Variants in DIAPH3 observed in about 807,000 individuals in gnomAD.
DIAPH3 encodes diaphanous related formin 3, also known as protein diaphanous homolog 3.
DIAPH3 carries 117 observed loss-of-function variants against 144.3 expected under a neutral mutation model. The observed-to-expected ratio is 0.81, with a 90% CI of 0.70 to 0.95. The LOEUF (loss-of-function observed/expected upper bound fraction) is 0.95, where lower values mean the gene tolerates loss of function less well. Ranked by LOEUF, DIAPH3 falls within the 40% of genes least tolerant of loss-of-function variation. The pLI is 0.00. For missense variants in DIAPH3, 1,421 were observed against 1,412.7 expected (o/e 1.01, Z -0.09); for synonymous variants, 519 against 488.9 (o/e 1.06, Z -0.81).
intron 27 of DIAPH3, among the ~76,000 whole-genome samples, chr13:59,698,029 A>G (rs927094543): frequency 2.0e-5 from 3 of 152,234 alleles, no homozygotes; most frequent in Non-Finnish European, 4.4e-5. Context: ...ATGGTAGTCA[A>G]AGAAAGTTAT....
chr13:59,684,514 C>A (rs755994998), intron 27 of DIAPH3, among the ~76,000 whole-genome samples: 2 of 152,142 alleles, frequency 1.3e-5, no homozygotes, highest in African/African-American at 2.4e-5. Context: ...GACTTCAGCA[C>A]CTTTCTTTGT....
chr13:60,042,149 T>C (rs904274117), intron 5 of DIAPH3, among the ~76,000 whole-genome samples: 1 of 152,138 alleles, frequency 6.6e-6, no homozygotes, highest in Non-Finnish European at 1.5e-5. Context: ...ACCTATGGTA[T>C]TGTTTTCAGA....
Position 60,120,399 on chromosome 13 carries a change from T to C in DIAPH3, c.214-8213A>G, listed in dbSNP as rs150652761. Reference sequence around the variant, plus strand: ...ATCAACTGCATTCTGACTTCGATATTCCTCAATGTTACAAATGGGCTTCTT... The same window carrying C: ...ATCAACTGCATTCTGACTTCGATATCCCTCAATGTTACAAATGGGCTTCTT... On this transcript the variant is annotated intron_variant, in intron 2 of 27. Coordinates refer to ENST00000400324, the MANE Select transcript of DIAPH3 (RefSeq NM_001042517.2). 9.2e-5 allele frequency among the ~76,000 whole-genome samples: 14 copies of C among 152,322 alleles called. No homozygotes were observed. The East Asian group carries it at 2.3e-3, about 25-fold the overall frequency.
intron 13 of DIAPH3, among the ~76,000 whole-genome samples, chr13:59,981,523 A>C (rs969208616): frequency 1.3e-5 from 2 of 151,240 alleles, no homozygotes; most frequent in African/African-American, 4.8e-5. Context: ...AAAAAAAAAA[A>C]AACTGAAAAT....
chr13:59,776,891 T>C (rs550978324), intron 25 of DIAPH3, among the ~76,000 whole-genome samples: 1 of 152,230 alleles, frequency 6.6e-6, no homozygotes. Flanking sequence ...TTGGATTGGA[T>C]GTATAGGTAT....
intron 17 of DIAPH3, among the ~76,000 whole-genome samples, chr13:59,931,906 A>T (rs1306186942): frequency 6.6e-6 from 1 of 152,202 alleles, no homozygotes; most frequent in East Asian, 1.9e-4. Flanking sequence ...TGTGGAGAAG[A>T]GAAAATGGGA....
chr13:60,058,830 T>G (rs1249820194), intron 4 of DIAPH3, among the ~76,000 whole-genome samples: 1 of 151,908 alleles, frequency 6.6e-6, no homozygotes, highest in African/African-American at 2.4e-5. Context: ...ATGTTCTCAT[T>G]TATAAGTTGG....
intron 3 of DIAPH3, among the ~76,000 whole-genome samples, chr13:60,094,328 A>G (rs2058042703): frequency 6.6e-6 from 1 of 152,220 alleles, no homozygotes; most frequent in Non-Finnish European, 1.5e-5. Flanking sequence ...ACCACCTAAA[A>G]TCGAACATTT....
intron 17 of DIAPH3, among the ~76,000 whole-genome samples, chr13:59,959,023 C>T (rs2049583635): frequency 6.6e-6 from 1 of 151,862 alleles, no homozygotes; most frequent in African/African-American, 2.4e-5. Flanking sequence ...TTACAGGCAT[C>T]CGCCATCATA....
intron 17 of DIAPH3, among the ~76,000 whole-genome samples, chr13:59,937,016 A>G (rs1329385973): frequency 6.6e-6 from 1 of 152,054 alleles, no homozygotes; most frequent in Non-Finnish European, 1.5e-5. Context: ...ACAAAAAATT[A>G]GCTGGGCGTG....
Position 59,810,985 on chromosome 13 carries a change from T to TA in DIAPH3, c.3028-63dup, listed in dbSNP as rs1378458283. On this transcript the variant is annotated intron_variant, in intron 24 of 27. Coordinates refer to ENST00000400324, the MANE Select transcript of DIAPH3 (RefSeq NM_001042517.2). ...TGATTCATCCCGCAAAATGGAAAGT[T>TA]ATCTATTTGAAAATATGCTTAAGGT... The TA allele has an allele frequency of 6.9e-5, 101 of 1,453,936 alleles. No homozygotes were observed. The African/African-American group carries it at 1.2e-3, about 17-fold the overall frequency. The allele number at this position is 1,453,936 out of a possible 1,614,324, so 90.1% of individuals were successfully genotyped here. A position where few individuals can be genotyped will look rare whatever the true frequency, so the allele number is the denominator to read the frequency against.
chr13:59,824,643 A>G lies in DIAPH3; in HGVS notation c.3027+8464T>C, dbSNP rs150729010. Among the ~76,000 whole-genome samples the G allele has an allele frequency of 7.9e-5, 12 of 152,310 alleles. No individual in the cohort carries two copies. In the East Asian group the frequency reaches 2.3e-3, roughly 29 times the overall value. On this transcript the variant is annotated intron_variant, in intron 24 of 27. Coordinates refer to ENST00000400324, the MANE Select transcript of DIAPH3 (RefSeq NM_001042517.2). ...TATAGGAAATTAAGTTACGGGAGAA[A>G]GAGACTGGATTTTATGAACTAGAAA... is the stretch of plus-strand genomic sequence containing the variant.
chr13:59,892,644 G>A (rs2045877744), intron 20 of DIAPH3, among the ~76,000 whole-genome samples: 2 of 151,546 alleles, frequency 1.3e-5, no homozygotes, highest in African/African-American at 4.8e-5. Flanking sequence ...GCAAAACAAA[G>A]AATAAGAGTG....
rs147939053 is a variant in DIAPH3, at chr13:59,912,155, C to T, written c.2266-319G>A. 5.7e-3 allele frequency among the ~76,000 whole-genome samples: 864 copies of T among 152,248 alleles called. 12 individuals carry two copies. Among genetic ancestry groups the T allele is most frequent in the African/African-American group, 0.02 (812 of 41,556 alleles). ...GCTTTCTCACCTGGATGAATGTGAT[C>T]CATTACATTTCAGCTTTAGGGAATT... On this transcript the variant is annotated intron_variant, in intron 19 of 27. Coordinates refer to ENST00000400324, the MANE Select transcript of DIAPH3 (RefSeq NM_001042517.2).
chr13:59,888,520 C>T (rs1466938812), intron 20 of DIAPH3, among the ~76,000 whole-genome samples: 1 of 152,076 alleles, frequency 6.6e-6, no homozygotes, highest in East Asian at 1.9e-4. Flanking sequence ...ACTGGCTTAA[C>T]TATGCCTCTT....
chr13:59,870,835 T>C (rs995341771), intron 21 of DIAPH3, among the ~76,000 whole-genome samples: 2 of 150,618 alleles, frequency 1.3e-5, no homozygotes, highest in Non-Finnish European at 3.0e-5. Flanking sequence ...CACGCCTGGC[T>C]AATTTTGTAT....
intron 17 of DIAPH3, among the ~76,000 whole-genome samples, chr13:59,933,117 T>G (rs2048099427): frequency 6.6e-6 from 1 of 152,234 alleles, no homozygotes; most frequent in South Asian, 2.1e-4. Flanking sequence ...AATGAAGTTT[T>G]TGTACAAAAT....
intron 3 of DIAPH3, among the ~76,000 whole-genome samples, chr13:60,099,907 AGAAGGAAGGAAGGAAGGAAGGAAG>A (rs748938775): frequency 2.3e-3 from 240 of 104,846 alleles, no homozygotes; most frequent in African/African-American, 7.3e-3. Context: ...AGAAAGTAAG[AGAAGGAAGGAAGGAAGGAAGGAAG>A]GAAGGAAGGA....
intron 27 of DIAPH3, among the ~76,000 whole-genome samples, chr13:59,712,961 T>C (rs2034827846): frequency 1.3e-5 from 2 of 152,278 alleles, no homozygotes; most frequent in African/African-American, 2.4e-5. Context: ...TACACAACTA[T>C]ATATCTCGCA....
Sources: allele counts gnomAD v4.1 joint callset (sites outside exome capture counted in the v4.1 genomes callset), GRCh38; gene constraint gnomAD v4.1.1; transcripts MANE v1.5; gene names NCBI Gene and HGNC (gene_info 2026-07-23, HGNC 2026-07-21).